WASHC4: variants seen among roughly 807,000 people sequenced by gnomAD.
WASHC4 encodes the protein WASH complex subunit 7.
In WASHC4, 86 loss-of-function variants were observed where a neutral mutation model predicts 166.6. The ratio of observed to expected loss-of-function variants is 0.52; its 90% CI spans 0.43 to 0.62. The LOEUF (loss-of-function observed/expected upper bound fraction) is 0.62. WASHC4 is among the 20% of genes least tolerant of loss of function. The pLI is 0.00. For synonymous variants in WASHC4, 446 were observed against 451.6 expected (o/e 0.99, Z 0.16); for missense variants, 1,262 against 1,382.4 (o/e 0.91, Z 1.38).
chr12:105,165,371 C>T (rs1248505489), intron 32 of WASHC4, among the ~76,000 whole-genome samples: 2 of 152,030 alleles, frequency 1.3e-5, no homozygotes, highest in African/African-American at 4.8e-5. Flanking sequence ...ATTTAATGTC[C>T]CCATGATATA....
intron 15 of WASHC4, 70 bp from the exon 16 acceptor site, chr12:105,140,224 A>C: frequency 1.8e-6 from 2 of 1,108,318 alleles, no homozygotes; most frequent in Non-Finnish European, 2.8e-6. Context: ...CTAAGGTCGT[A>C]AAGATCTTCT....
Position 105,142,366 on chromosome 12 carries a change from TCTTC to T in WASHC4, c.1788-82_1788-79del, listed in dbSNP as rs1391366071. 5.0e-6 allele frequency: 4 copies of T among 793,110 alleles called. No homozygotes were observed. The African/African-American group carries it at 5.1e-5, about 10-fold the overall frequency. 49.1% of individuals were successfully genotyped at this position (793,110 alleles called of 1,614,324 possible). A position where few individuals can be genotyped will look rare whatever the true frequency, so the allele number is the denominator to read the frequency against. ...GAATGCGAACTGTGTAAGATGGAACTCTTCCTTCTGTAGTAGATGTCATTCCTTT... is the reference window on the plus strand; with the variant it reads ...GAATGCGAACTGTGTAAGATGGAACTCTTCTGTAGTAGATGTCATTCCTTT... On this transcript the variant is annotated intron_variant, in intron 18 of 32. Transcript: ENST00000332180.
chr12:105,147,260 G>A (rs907708225), intron 24 of WASHC4, 114 bp downstream of exon 24: 1 of 716,198 alleles, frequency 1.4e-6, no homozygotes. Context: ...TATTTTACAT[G>A]AATTTCCATT....
intron 32 of WASHC4, among the ~76,000 whole-genome samples, chr12:105,165,616 T>C (rs1223886384): frequency 1.3e-5 from 2 of 152,188 alleles, no homozygotes; most frequent in Admixed American, 6.5e-5. Flanking sequence ...AAACAAGATG[T>C]TTTTATTAAT....
At chr12:105,152,941 A>G (rs1883879783) in intron 26 of WASHC4, among the ~76,000 whole-genome samples, 1 of 152,186 alleles carries the variant, frequency 6.6e-6, no homozygotes, top group Non-Finnish European at 1.5e-5. Flanking sequence ...GTACTTTTAT[A>G]TTTAAAAGTA....
intron 9 of WASHC4, among the ~76,000 whole-genome samples, chr12:105,121,653 G>A (rs1047209310): frequency 2.0e-5 from 3 of 152,116 alleles, no homozygotes; most frequent in East Asian, 1.9e-4. Context: ...GACTACAGGC[G>A]TGTGCCACCA....
rs578154722 is a variant in WASHC4, at chr12:105,146,327, T to C, written c.2335-125T>C. On this transcript the variant is annotated intron_variant, in intron 22 of 32. Transcript: ENST00000332180. ...TTAACGTTTGATCGTACCTTTTATATAGTTCTTTAAAATAACTTAAAAATT... is the reference window on the plus strand; with the variant it reads ...TTAACGTTTGATCGTACCTTTTATACAGTTCTTTAAAATAACTTAAAAATT... 4 of 673,748 alleles carry C rather than the reference T, an allele frequency of 5.9e-6. No individual in the cohort carries two copies. The East Asian group carries it at 8.3e-5, about 14-fold the overall frequency. 41.7% of individuals were successfully genotyped at this position (673,748 alleles called of 1,614,324 possible).
At chr12:105,114,562 G>C in intron 4 of WASHC4, 135 bp downstream of exon 4, 1 of 685,824 alleles carries the variant, frequency 1.5e-6, no homozygotes, top group Non-Finnish European at 2.5e-6. Flanking sequence ...TACTAATACG[G>C]ACTACCATTC....
At chr12:105,121,297 C>G (rs575774929) in intron 9 of WASHC4, 93 bp downstream of exon 9, 1 of 768,278 alleles carries the variant, frequency 1.3e-6, no homozygotes, top group East Asian at 2.7e-5. Flanking sequence ...TACAGATTTT[C>G]TAAAAGACCT....
intron 10 of WASHC4, 74 bp from the exon 11 acceptor site, chr12:105,125,930 T>C: frequency 3.0e-6 from 4 of 1,326,842 alleles, no homozygotes; most frequent in Non-Finnish European, 4.3e-6. Flanking sequence ...ACACTGTATT[T>C]AGTGTATGAT....
At chr12:105,117,454 G>A (rs1880293976) in intron 6 of WASHC4, among the ~76,000 whole-genome samples, 1 of 151,826 alleles carries the variant, frequency 6.6e-6, no homozygotes, top group Non-Finnish European at 1.5e-5. Flanking sequence ...GCTTGTTTCT[G>A]CCTTTTTACT....
chr12:105,153,048 T>C (rs977957199), intron 26 of WASHC4, among the ~76,000 whole-genome samples: 8 of 152,200 alleles, frequency 5.3e-5, no homozygotes, highest in Middle Eastern at 3.2e-3. Context: ...GAGATAGGCA[T>C]GTAATCGTTT....
chr12:105,139,114 T>C (rs927480412), intron 15 of WASHC4, among the ~76,000 whole-genome samples: 12 of 152,172 alleles, frequency 7.9e-5, no homozygotes, highest in Admixed American at 7.9e-4. Flanking sequence ...ATTTTATGTA[T>C]TTTTTGATCC....
At chr12:105,122,363 A>T in intron 10 of WASHC4, 125 bp downstream of exon 10, 1 of 967,876 alleles carries the variant, frequency 1.0e-6, no homozygotes, top group Non-Finnish European at 1.6e-6. Context: ...GCTTTGGCTT[A>T]AAATTATTGT....
At position 105,168,202 on chromosome 12, in the gene WASHC4, G is replaced by C. The variant is rs180792739; in HGVS notation, c.*1271G>C. On this transcript the variant is annotated 3_prime_UTR_variant, in exon 33 of 33. Coordinates refer to ENST00000332180, the MANE Select transcript of WASHC4 (RefSeq NM_015275.3). ...TTTTAGAATGGGTGTACAATGCCCT[G>C]TTTGTACTTACTGGTTAGGGTCAGG... 1 of 152,420 alleles carries C rather than the reference G, an allele frequency of 6.6e-6. No individual in the cohort carries two copies. Among genetic ancestry groups the C allele is most frequent in the African/African-American group, 2.4e-5 (1 of 41,536 alleles). 9.4% of individuals were successfully genotyped at this position (152,420 alleles called of 1,614,324 possible).
At chr12:105,127,356 A>G in intron 13 of WASHC4, 67 bp downstream of exon 13, 1 of 1,087,612 alleles carries the variant, frequency 9.2e-7, no homozygotes, top group Non-Finnish European at 1.4e-6. Context: ...TTATACTAAC[A>G]CTTAATGTAT....
At chr12:105,126,193 A>C in intron 11 of WASHC4, 42 bp from the exon 12 acceptor site, 2 of 1,612,064 alleles carry the variant, frequency 1.2e-6, no homozygotes. Context: ...GCATAATTGA[A>C]GTATATTTGT....
At chr12:105,164,468 C>G in intron 31 of WASHC4, 161 bp downstream of exon 31, 1 of 809,564 alleles carries the variant, frequency 1.2e-6, no homozygotes, top group Non-Finnish European at 2.0e-6. Flanking sequence ...TATTTGGAAG[C>G]CATTTGACTC....
intron 4 of WASHC4, 124 bp downstream of exon 4, chr12:105,114,551 A>G: frequency 4.1e-6 from 3 of 723,916 alleles, no homozygotes; most frequent in Non-Finnish European, 7.1e-6. Flanking sequence ...ATTTAACGTA[A>G]TACTAATACG....
Sources: allele counts gnomAD v4.1 joint callset (sites outside exome capture counted in the v4.1 genomes callset), GRCh38; gene constraint gnomAD v4.1.1; transcripts MANE v1.5; gene names NCBI Gene and HGNC (gene_info 2026-07-23, HGNC 2026-07-21).